Variants in LRMDA observed in about 807,000 individuals in gnomAD.
LRMDA encodes the protein leucine rich melanocyte differentiation associated.
A neutral mutation model predicts 29.8 loss-of-function variants in LRMDA; 18 were observed. The observed-to-expected ratio is 0.60, with a 90% CI of 0.42 to 0.90. The LOEUF (loss-of-function observed/expected upper bound fraction) is 0.90. LRMDA is among the 40% of genes least tolerant of loss of function. The pLI is 0.00. For synonymous variants in LRMDA, 125 were observed against 109.4 expected, an observed-to-expected ratio of 1.14 and a Z score of -0.89; for missense variants, 273 against 273.9, an observed-to-expected ratio of 1.00 and a Z score of 0.02.
At chr10:75,661,504 C>A (rs953963801) in intron 2 of LRMDA, among the ~76,000 whole-genome samples, 2 of 152,112 alleles carry the variant, frequency 1.3e-5, no homozygotes, top group African/African-American at 4.8e-5. Flanking sequence ...GTCCAGGGAC[C>A]GTACTTTGAG....
intron 5 of LRMDA, among the ~76,000 whole-genome samples, chr10:76,070,149 C>A (rs751716974): frequency 6.6e-6 from 1 of 152,288 alleles, no homozygotes; most frequent in Admixed American, 6.5e-5. Flanking sequence ...GCATCAGTAG[C>A]AGCTAGTGTT....
At chr10:76,490,801 T>C (rs2220609) in intron 6 of LRMDA, among the ~76,000 whole-genome samples, 105,315 of 151,796 alleles carry the variant, frequency 0.69, 38,068 homozygotes, top group Non-Finnish European at 0.81. Flanking sequence ...TAGGGACTTG[T>C]TTCTGGCATT....
At chr10:75,907,470 C>T (rs1444454924) in intron 2 of LRMDA, among the ~76,000 whole-genome samples, 1 of 152,182 alleles carries the variant, frequency 6.6e-6, no homozygotes, top group Non-Finnish European at 1.5e-5. Flanking sequence ...TATTTGGCAG[C>T]TGTTCATGTT....
intron 5 of LRMDA, among the ~76,000 whole-genome samples, chr10:76,169,750 A>G (rs1259020532): frequency 6.6e-6 from 1 of 152,200 alleles, no homozygotes; most frequent in African/African-American, 2.4e-5. Context: ...TAAAAAATTC[A>G]AGGTTCTCAA....
chr10:76,301,126 A>T (rs1184961464), intron 5 of LRMDA, among the ~76,000 whole-genome samples: 8 of 152,222 alleles, frequency 5.3e-5, no homozygotes, highest in African/African-American at 1.2e-4. Context: ...TTAAAAATTT[A>T]AAAAATTACC....
intron 2 of LRMDA, among the ~76,000 whole-genome samples, chr10:75,998,090 C>T (rs1251653913): frequency 6.6e-6 from 1 of 152,192 alleles, no homozygotes; most frequent in African/African-American, 2.4e-5. Context: ...AGAATGCGAA[C>T]AGGTAACTGT....
chr10:75,782,758 AC>A, intron 2 of LRMDA: 5 of 1,381,260 alleles, frequency 3.6e-6, no homozygotes, highest in Non-Finnish European at 4.7e-6. Flanking sequence ...CCCTTTGCTG[AC>A]TGTTGAAGAA....
At chr10:76,037,551 C>T (rs1009704258) in intron 3 of LRMDA, among the ~76,000 whole-genome samples, 7 of 152,204 alleles carry the variant, frequency 4.6e-5, no homozygotes, top group African/African-American at 9.7e-5. Context: ...AGCACAGTAC[C>T]GTACATGAGG....
intron 2 of LRMDA, among the ~76,000 whole-genome samples, chr10:75,440,700 A>T (rs971117160): frequency 6.6e-6 from 1 of 152,192 alleles, no homozygotes; most frequent in Admixed American, 6.5e-5. Flanking sequence ...CTGAATCAAC[A>T]TCTAAGATGT....
At chr10:76,134,016 C>T (rs1850047764) in intron 5 of LRMDA, among the ~76,000 whole-genome samples, 1 of 152,158 alleles carries the variant, frequency 6.6e-6, no homozygotes, top group Admixed American at 6.5e-5. Context: ...CCTCACCTCC[C>T]CCACCCCCAA....
At chr10:76,550,005 G>T (rs1289309516) in intron 6 of LRMDA, among the ~76,000 whole-genome samples, 1 of 152,096 alleles carries the variant, frequency 6.6e-6, no homozygotes, top group Non-Finnish European at 1.5e-5. Flanking sequence ...AAAAATAAAT[G>T]ACTCTAAAAG....
At chr10:76,443,930 G>A (rs1842328570) in intron 6 of LRMDA, among the ~76,000 whole-genome samples, 1 of 152,076 alleles carries the variant, frequency 6.6e-6, no homozygotes, top group Non-Finnish European at 1.5e-5. Context: ...CTAAGTCCTG[G>A]TAAGGTTGGG....
intron 2 of LRMDA, among the ~76,000 whole-genome samples, chr10:75,563,192 C>G (rs2132063924): frequency 6.6e-6 from 1 of 152,200 alleles, no homozygotes; most frequent in East Asian, 1.9e-4. Flanking sequence ...TTGGTCTTTT[C>G]ACATAGTCCC....
intron 2 of LRMDA, among the ~76,000 whole-genome samples, chr10:75,777,193 C>T (rs1843324349): frequency 6.6e-6 from 1 of 152,178 alleles, no homozygotes; most frequent in African/African-American, 2.4e-5. Flanking sequence ...GGAAAGCTGG[C>T]TGTCTCTTGC....
chr10:75,563,851 C>T (rs191042624), intron 2 of LRMDA, among the ~76,000 whole-genome samples: 2,002 of 151,698 alleles, frequency 0.013, 59 homozygotes, highest in African/African-American at 0.046. Context: ...AGCGGATTTT[C>T]GTGAACTGCG....
intron 2 of LRMDA, among the ~76,000 whole-genome samples, chr10:75,483,780 CAT>C (rs933446460): frequency 4.0e-5 from 6 of 149,676 alleles, no homozygotes; most frequent in African/African-American, 9.8e-5. Flanking sequence ...ATAATTGTAT[CAT>C]ATGAAAAAAA....
rs149225074 is a variant in LRMDA at position 75,589,618 on chromosome 10, G to T, written c.131+151124G>T. Among the ~76,000 whole-genome samples, 87 of 152,180 alleles carry T rather than the reference G, an allele frequency of 5.7e-4. 2 individuals are homozygous for T. The highest frequency in any genetic ancestry group is 3.9e-3 in the Admixed American group (59 of 15,292). On this transcript the variant is annotated intron_variant, in intron 2 of 6. Transcript: ENST00000611255. ...AAAAACAAAAACAAAACAAAAATTA[G>T]CTGTGAGTGTTAGTATGAGCCTATA... is the stretch of plus-strand genomic sequence containing the variant.
At position 76,276,071 on chromosome 10, in the gene LRMDA, CTT is replaced by C. The variant is rs550581614; in HGVS notation, c.517-48328_517-48327del. On this transcript the variant is annotated intron_variant, in intron 5 of 6. Transcript: ENST00000611255. ...TATCTATCTCTTTCTTTCTCTCTTT[CTT>C]TCTCTCTCTTTCTTTCTTTCTTTTG... Among the ~76,000 whole-genome samples the C allele has an allele frequency of 1.9e-4, 28 of 150,420 alleles. No individual in the cohort carries two copies. In the East Asian group the frequency reaches 3.1e-3, roughly 17 times the overall value.
At chr10:76,130,523 G>A (rs1348882598) in intron 5 of LRMDA, among the ~76,000 whole-genome samples, 1 of 152,220 alleles carries the variant, frequency 6.6e-6, no homozygotes, top group Non-Finnish European at 1.5e-5. Flanking sequence ...GTCAGAAGCT[G>A]TTGTTCTGTG....
Sources: allele counts gnomAD v4.1 joint callset (sites outside exome capture counted in the v4.1 genomes callset), GRCh38; gene constraint gnomAD v4.1.1; transcripts MANE v1.5; gene names NCBI Gene and HGNC (gene_info 2026-07-23, HGNC 2026-07-21).